The following MAPK4 variants were observed in gnomAD, a reference collection of about 807,000 sequenced individuals.
The protein encoded by MAPK4 is mitogen-activated protein kinase 4, also known as Erk3-related.
MAPK4 carries 22 observed loss-of-function variants against 47.7 expected under a neutral mutation model. The observed-to-expected ratio is 0.46, with a 90% CI of 0.33 to 0.66. The LOEUF is 0.66. MAPK4 is among the 30% of genes least tolerant of loss of function. The probability of loss-of-function intolerance (pLI) is 0.02; values close to 1 mark genes in which losing one functional copy is unlikely to be tolerated. For synonymous variants in MAPK4, 390 were observed against 365.7 expected (o/e 1.07, Z -0.76); for missense variants, 736 against 831.7 (o/e 0.88, Z 1.42).
chr18:50,670,601 A>G (rs1386202691), intron 2 of MAPK4, among the ~76,000 whole-genome samples: 1 of 151,952 alleles, frequency 6.6e-6, no homozygotes, highest in African/African-American at 2.4e-5. Flanking sequence ...TACTAAAAAT[A>G]TAAAAATTAG....
At chr18:50,620,630 T>C (rs2042723303) in intron 1 of MAPK4, among the ~76,000 whole-genome samples, 1 of 152,140 alleles carries the variant, frequency 6.6e-6, no homozygotes, top group African/African-American at 2.4e-5. Flanking sequence ...ACAGGCCAGG[T>C]GCAGTTACTT....
intron 2 of MAPK4, among the ~76,000 whole-genome samples, chr18:50,680,382 G>A (rs543368398): frequency 5.9e-4 from 89 of 152,062 alleles, no homozygotes; most frequent in African/African-American, 1.4e-3. Context: ...GTGAGCCACC[G>A]CGCCTGGCCT....
At chr18:50,634,310 T>C (rs1025875124) in intron 1 of MAPK4, among the ~76,000 whole-genome samples, 20 of 55,132 alleles carry the variant, frequency 3.6e-4, no homozygotes, top group Admixed American at 3.5e-3. Context: ...AGGTGTTTTT[T>C]TTTTCTTTTT....
At chr18:50,608,698 T>C (rs1293810078) in intron 1 of MAPK4, among the ~76,000 whole-genome samples, 1 of 147,114 alleles carries the variant, frequency 6.8e-6, no homozygotes, top group East Asian at 2.0e-4. Context: ...GAGATATGTC[T>C]TCTTTTTTTT....
At chr18:50,686,234 C>A (rs181582813) in intron 2 of MAPK4, among the ~76,000 whole-genome samples, 2 of 152,144 alleles carry the variant, frequency 1.3e-5, no homozygotes, top group Non-Finnish European at 1.5e-5. Context: ...AGCCTTGCAC[C>A]GTAGTGAACT....
chr18:50,589,822 A>T (rs2149366882), intron 1 of MAPK4, among the ~76,000 whole-genome samples: 1 of 152,320 alleles, frequency 6.6e-6, no homozygotes, highest in African/African-American at 2.4e-5. Context: ...TGGGTACAAG[A>T]GTTCAAATTG....
chr18:50,666,390 C>T (rs535708587), intron 2 of MAPK4, among the ~76,000 whole-genome samples: 2 of 152,282 alleles, frequency 1.3e-5, no homozygotes, highest in South Asian at 4.1e-4. Flanking sequence ...GCTCCTCTGG[C>T]TTATGGTTAA....
At chr18:50,575,792 C>CAAAAAAAAAAAAAAA (rs540138636) in intron 1 of MAPK4, among the ~76,000 whole-genome samples, 3 of 70,160 alleles carry the variant, frequency 4.3e-5, no homozygotes, top group Non-Finnish European at 8.1e-5. Flanking sequence ...AATCAACAAG[C>CAAAAAAAAAAAAAAA]AAAAAAAAAA....
At chr18:50,716,790 G>C (rs1252158361) in intron 3 of MAPK4, among the ~76,000 whole-genome samples, 1 of 150,710 alleles carries the variant, frequency 6.6e-6, no homozygotes, top group East Asian at 2.0e-4. Context: ...TCCTCAGCCT[G>C]CCCTGCTTCT....
At chr18:50,653,138 A>G (rs879269290) in intron 1 of MAPK4, among the ~76,000 whole-genome samples, 8 of 152,002 alleles carry the variant, frequency 5.3e-5, no homozygotes, top group South Asian at 2.1e-4. Context: ...GCACTGAGCT[A>G]TGATCGAGCC....
intron 2 of MAPK4, among the ~76,000 whole-genome samples, chr18:50,714,279 A>G (rs1270830109): frequency 1.3e-5 from 2 of 152,168 alleles, no homozygotes; most frequent in Non-Finnish European, 2.9e-5. Context: ...CTCTTGGCCC[A>G]GTTTTCTGAA....
intron 1 of MAPK4, among the ~76,000 whole-genome samples, chr18:50,594,048 G>T (rs761125247): frequency 6.6e-6 from 1 of 152,218 alleles, no homozygotes; most frequent in African/African-American, 2.4e-5. Flanking sequence ...AACCACTGGT[G>T]TAACTCCAAA....
intron 1 of MAPK4, among the ~76,000 whole-genome samples, chr18:50,608,369 GGAGTT>G (rs1456661051): frequency 6.6e-6 from 1 of 152,196 alleles, no homozygotes; most frequent in Non-Finnish European, 1.5e-5. Flanking sequence ...TGAGTAGAGT[GGAGTT>G]AACATTCCGA....
chr18:50,726,087 C>G lies in MAPK4; in HGVS notation c.979C>G (p.Pro327Ala). 6.2e-7 allele frequency: 1 copy of G among 1,614,114 alleles called. No individual in the cohort carries two copies. The highest frequency in any genetic ancestry group is 2.2e-5 in the East Asian group (1 of 44,866). The change falls in exon 5 of 6, where the codon CCC (proline) becomes GCC (alanine). Residue 327 changes from proline (P) to alanine (A), a missense_variant. Pro to Ala is a conservative substitution (Grantham distance 27). This residue lies in a region of MAPK4 where 32 missense variants were observed against 57.7 expected (regional missense o/e 0.55). Transcript: ENST00000400384. ...TGAGGACGAGCCCACCTCACAACAC[C>G]CCTTCCGCATTGAGGATGAGATCGA... is the stretch of plus-strand genomic sequence containing the variant. ...CPEDEPTSQH[P>A]FRIEDEIDDI...
chr18:50,679,718 G>A (rs960665184), intron 2 of MAPK4, among the ~76,000 whole-genome samples: 8 of 152,236 alleles, frequency 5.3e-5, no homozygotes, highest in Non-Finnish European at 1.2e-4. Flanking sequence ...AGAAGAGGGA[G>A]TAATCATGGC....
chr18:50,563,637 A>G lies in MAPK4; in HGVS notation c.-871+3394A>G, dbSNP rs185388169. On this transcript the variant is annotated intron_variant, in intron 1 of 5. Coordinates refer to ENST00000400384, the MANE Select transcript of MAPK4 (RefSeq NM_002747.4). ...ACTGTAATCTTCTTCAAGGCCAAGAATGTGACTTTTTTTTCTCTCTGCATC... is the reference window on the plus strand; with the variant it reads ...ACTGTAATCTTCTTCAAGGCCAAGAGTGTGACTTTTTTTTCTCTCTGCATC... 2.2e-4 allele frequency among the ~76,000 whole-genome samples: 33 copies of G among 152,268 alleles called. No individual in the cohort carries two copies. In the East Asian group the frequency reaches 5.2e-3, roughly 24 times the overall value.
intron 1 of MAPK4, among the ~76,000 whole-genome samples, chr18:50,599,954 G>A (rs942403652): frequency 3.9e-5 from 6 of 152,096 alleles, no homozygotes; most frequent in African/African-American, 1.4e-4. Flanking sequence ...TCTAAGGGGT[G>A]CAAAGCCAAT....
rs571528008 is a variant in MAPK4 at position 50,681,758 on chromosome 18, G to A, written c.546+17254G>A. ...GAGTTATTTCTAGACTTCATTTTTT[G>A]TTGCTGTATATATCGCTGTTATTCC... On this transcript the variant is annotated intron_variant, in intron 2 of 5. Coordinates refer to ENST00000400384, the MANE Select transcript of MAPK4 (RefSeq NM_002747.4). Among the ~76,000 whole-genome samples, 8 of 152,156 alleles carry A rather than the reference G, an allele frequency of 5.3e-5. No homozygotes were observed. In the South Asian group the frequency reaches 1.7e-3, roughly 32 times the overall value.
chr18:50,644,769 G>A (rs1267414742), intron 1 of MAPK4, among the ~76,000 whole-genome samples: 1 of 152,180 alleles, frequency 6.6e-6, no homozygotes, highest in Non-Finnish European at 1.5e-5. Context: ...TGCTAACAGG[G>A]AAGAGTATGA....
Sources: gnomAD v4.1 joint callset for allele counts (sites outside exome capture counted in the v4.1 genomes callset) on GRCh38, gnomAD v4.1.1 for gene constraint, gnomAD v4.1.1 regional missense constraint, MANE v1.5 for transcripts, NCBI Gene and HGNC (gene_info 2026-07-23, HGNC 2026-07-21) for gene names.